GSG1L: variants seen among roughly 807,000 people sequenced by gnomAD.
GSG1L encodes the protein germ cell-specific gene 1-like protein.
GSG1L carries 24 observed loss-of-function variants against 42.1 expected under a neutral mutation model. That is an observed-to-expected ratio of 0.57 (90% CI 0.41 to 0.80). GSG1L has a LOEUF of 0.80. Among genes scored for constraint, GSG1L ranks in the 30% least tolerant of loss-of-function variants. The pLI is 0.00. For synonymous variants in GSG1L, 215 were observed against 203.5 expected, an observed-to-expected ratio of 1.06 and a Z score of -0.48; for missense variants, 445 against 472.2, an observed-to-expected ratio of 0.94 and a Z score of 0.53.
rs369070330 is a variant in GSG1L at position 27,792,143 on chromosome 16, A to G, written c.899-676T>C. Among the ~76,000 whole-genome samples the G allele has an allele frequency of 5.7e-4, 86 of 151,942 alleles. 1 individual carries two copies. Among genetic ancestry groups the G allele is most frequent in the African/African-American group, 1.7e-3 (69 of 41,400 alleles). ...CCTGCAGCTGTCTCCCCACCTTGCCATCTGCCCCCAAGCAGGCCTCCTTGA... is the reference window on the plus strand; with the variant it reads ...CCTGCAGCTGTCTCCCCACCTTGCCGTCTGCCCCCAAGCAGGCCTCCTTGA... On this transcript the variant is annotated intron_variant, in intron 6 of 6. Coordinates refer to ENST00000447459, the MANE Select transcript of GSG1L (RefSeq NM_001109763.2).
At chr16:27,897,303 T>C (rs1433036652) in intron 2 of GSG1L, among the ~76,000 whole-genome samples, 2 of 151,514 alleles carry the variant, frequency 1.3e-5, no homozygotes, top group East Asian at 2.0e-4. Context: ...CTCCTTTTTT[T>C]CTTCTTCCTT....
chr16:27,874,231 A>G (rs947594419), intron 3 of GSG1L, among the ~76,000 whole-genome samples: 5 of 152,100 alleles, frequency 3.3e-5, no homozygotes, highest in African/African-American at 9.7e-5. Context: ...GTGAGATGAG[A>G]TGATGACTCA....
chr16:27,964,764 C>T (rs1388878426), intron 1 of GSG1L, among the ~76,000 whole-genome samples: 1 of 151,960 alleles, frequency 6.6e-6, no homozygotes, highest in Non-Finnish European at 1.5e-5. Flanking sequence ...GGATGGTTAC[C>T]AGAGGCTGGG....
chr16:27,927,337 C>T (rs1016189717), intron 2 of GSG1L, among the ~76,000 whole-genome samples: 53 of 152,116 alleles, frequency 3.5e-4, no homozygotes, highest in African/African-American at 1.2e-3. Flanking sequence ...TGGGGTCTCA[C>T]GGTGTTGCCC....
chr16:27,850,648 A>G (rs72782161), intron 3 of GSG1L: 3 of 452,476 alleles, frequency 6.6e-6, no homozygotes, highest in Non-Finnish European at 1.3e-5. Flanking sequence ...GAAGAGGAGG[A>G]GGGTAAATGA....
At chr16:27,903,386 G>T (rs1296959267) in intron 2 of GSG1L, among the ~76,000 whole-genome samples, 2 of 152,276 alleles carry the variant, frequency 1.3e-5, no homozygotes, top group African/African-American at 4.8e-5. Context: ...GGGCTCCCTG[G>T]AAGCAGGGGC....
In GSG1L at chr16:27,884,018, T is replaced by G. The variant is rs576639985; in HGVS notation, c.550+468A>C. On this transcript the variant is annotated intron_variant, in intron 3 of 6. Coordinates refer to ENST00000447459, the MANE Select transcript of GSG1L (RefSeq NM_001109763.2). This position sits in a 1 kb window ranked among gnomAD's most constrained non-coding sequence, Gnocchi z 4.4. ...CGACTTCCCATGCAGCATCTCCACG[T>G]GGAGTTCTCAAAGCCAGATGAGCTC... Among the ~76,000 whole-genome samples, 12 of 152,226 alleles carry G rather than the reference T, an allele frequency of 7.9e-5. No homozygotes were observed. The highest frequency in any genetic ancestry group is 1.6e-4 in the Non-Finnish European group (11 of 68,046).
chr16:28,031,451 T>A (rs924409125), intron 1 of GSG1L, among the ~76,000 whole-genome samples: 4 of 151,488 alleles, frequency 2.6e-5, no homozygotes, highest in Admixed American at 2.6e-4. Context: ...TGGGATGGGA[T>A]GGGAATGGAA....
intron 5 of GSG1L, among the ~76,000 whole-genome samples, chr16:27,812,863 A>G (rs1027424312): frequency 6.6e-5 from 10 of 152,022 alleles, no homozygotes; most frequent in African/African-American, 2.4e-4. Flanking sequence ...ATCTCAGCTC[A>G]CTGCAACCTC....
intron 3 of GSG1L, among the ~76,000 whole-genome samples, chr16:27,849,203 G>GCCCC (rs1567485061): frequency 0.045 from 3,557 of 79,910 alleles, 72 homozygotes; most frequent in African/African-American, 0.053. Context: ...ATCCCAAAAA[G>GCCCC]AAAAAAAAAA....
intron 2 of GSG1L, among the ~76,000 whole-genome samples, chr16:27,955,034 C>G (rs1437294986): frequency 1.3e-5 from 2 of 152,132 alleles, no homozygotes; most frequent in Non-Finnish European, 1.5e-5. Context: ...CTCCCCATCT[C>G]CACTGTATCT....
At chr16:27,974,631 C>G (rs576691490) in intron 1 of GSG1L, among the ~76,000 whole-genome samples, 1 of 152,286 alleles carries the variant, frequency 6.6e-6, no homozygotes, top group South Asian at 2.1e-4. Flanking sequence ...TGTGACTGCC[C>G]TCACCATCAC....
At chr16:28,055,532 C>T (rs917631527) in intron 1 of GSG1L, among the ~76,000 whole-genome samples, 1 of 151,994 alleles carries the variant, frequency 6.6e-6, no homozygotes, top group East Asian at 1.9e-4. Context: ...AGTGCAGTGG[C>T]ACGATCTCAG....
intron 3 of GSG1L, among the ~76,000 whole-genome samples, chr16:27,872,381 C>T (rs1452314281): frequency 6.6e-6 from 1 of 152,204 alleles, no homozygotes; most frequent in Non-Finnish European, 1.5e-5. Flanking sequence ...GCCCATGAGC[C>T]TTGAAGCCAA....
At chr16:27,830,819 C>T (rs1329087986) in intron 4 of GSG1L, among the ~76,000 whole-genome samples, 2 of 152,186 alleles carry the variant, frequency 1.3e-5, no homozygotes, top group African/African-American at 4.8e-5. Context: ...ACTCAGAACC[C>T]GAGGATAGAG....
chr16:28,044,758 G>A (rs951468619), intron 1 of GSG1L, among the ~76,000 whole-genome samples: 1 of 151,974 alleles, frequency 6.6e-6, no homozygotes, highest in African/African-American at 2.4e-5. Context: ...CAAGTAGCCA[G>A]GATTAGAGGC....
intron 3 of GSG1L, chr16:27,863,267 C>T (rs183253755): frequency 6.6e-6 from 1 of 152,252 alleles, no homozygotes; most frequent in Admixed American, 6.5e-5. Context: ...ATTTCATCAG[C>T]ATATACATTA....
chr16:28,058,826 G>A (rs921480715), intron 1 of GSG1L, among the ~76,000 whole-genome samples: 10 of 152,130 alleles, frequency 6.6e-5, no homozygotes, highest in Admixed American at 5.9e-4. Context: ...TAGGGGACTG[G>A]GCAGAAGAGC....
chr16:27,806,797 A>C (rs566824170), intron 6 of GSG1L, among the ~76,000 whole-genome samples: 110 of 152,118 alleles, frequency 7.2e-4, no homozygotes, highest in African/African-American at 2.4e-3. Context: ...AAGTTACTCC[A>C]CCTCTCTGAG....
Sources: allele counts gnomAD v4.1 joint callset (sites outside exome capture counted in the v4.1 genomes callset), GRCh38; gene constraint gnomAD v4.1.1; non-coding constraint Gnocchi (gnomAD v3.1); transcripts MANE v1.5; gene names NCBI Gene and HGNC (gene_info 2026-07-23, HGNC 2026-07-21).